Variants in MLLT3 observed in about 807,000 individuals in gnomAD.
The protein encoded by MLLT3 is protein AF-9.
MLLT3 carries 4 observed loss-of-function variants against 53.2 expected under a neutral mutation model. That is an observed-to-expected ratio of 0.08 (90% CI 0.04 to 0.17). MLLT3 has a LOEUF of 0.17. Ranked by LOEUF, MLLT3 falls within the 10% of genes least tolerant of loss-of-function variation. The pLI is 1.00. For synonymous variants in MLLT3, 283 were observed against 230.6 expected (o/e 1.23, Z -2.06); for missense variants, 569 against 684.0 (o/e 0.83, Z 1.87).
intron 2 of MLLT3, among the ~76,000 whole-genome samples, chr9:20,557,292 G>A (rs1487171222): frequency 6.6e-6 from 1 of 152,004 alleles, no homozygotes; most frequent in Non-Finnish European, 1.5e-5. Context: ...CATGGAATGT[G>A]GTAGCAGGTT....
At chr9:20,589,048 C>A (rs1029987305) in intron 2 of MLLT3, among the ~76,000 whole-genome samples, 9 of 151,024 alleles carry the variant, frequency 6.0e-5, no homozygotes, top group African/African-American at 2.2e-4. Context: ...GGATCTAGAA[C>A]TAGAAATACC....
At chr9:20,615,613 T>C (rs1346331966) in intron 2 of MLLT3, among the ~76,000 whole-genome samples, 1 of 151,902 alleles carries the variant, frequency 6.6e-6, no homozygotes, top group African/African-American at 2.4e-5. Context: ...TGTGCCAGAT[T>C]GTAGGCTGAA....
chr9:20,616,918 T>G (rs1820846557), intron 2 of MLLT3, among the ~76,000 whole-genome samples: 1 of 152,156 alleles, frequency 6.6e-6, no homozygotes, highest in Admixed American at 6.5e-5. Flanking sequence ...GTATAAACAT[T>G]AAAAATCTTA....
chr9:20,394,203 G>A (rs1318232677), intron 5 of MLLT3, among the ~76,000 whole-genome samples: 1 of 152,122 alleles, frequency 6.6e-6, no homozygotes, highest in African/African-American at 2.4e-5. Flanking sequence ...AAAGAAAAAG[G>A]TCCAGGGTTG....
intron 2 of MLLT3, among the ~76,000 whole-genome samples, chr9:20,497,564 T>C (rs150221632): frequency 1.3e-5 from 2 of 152,296 alleles, no homozygotes; most frequent in Non-Finnish European, 2.9e-5. Context: ...TTTTCAGGGG[T>C]TGGCATCTTT....
At chr9:20,429,475 G>A (rs770007218) in intron 4 of MLLT3, among the ~76,000 whole-genome samples, 3 of 151,964 alleles carry the variant, frequency 2.0e-5, no homozygotes, top group Non-Finnish European at 4.4e-5. Flanking sequence ...GAAGCATATG[G>A]CCTAATCTAA....
intron 2 of MLLT3, among the ~76,000 whole-genome samples, chr9:20,476,799 A>G (rs1474904015): frequency 6.6e-6 from 1 of 152,190 alleles, no homozygotes; most frequent in East Asian, 1.9e-4. Flanking sequence ...AATTCTCAAT[A>G]TTAAATAGAA....
At chr9:20,379,835 A>G (rs1159969260) in intron 5 of MLLT3, among the ~76,000 whole-genome samples, 1 of 152,046 alleles carries the variant, frequency 6.6e-6, no homozygotes, top group Admixed American at 6.6e-5. Context: ...AAACAAAGCT[A>G]TCTTTAAACA....
intron 3 of MLLT3, among the ~76,000 whole-genome samples, chr9:20,452,630 A>G (rs954512117): frequency 6.6e-6 from 1 of 152,250 alleles, no homozygotes; most frequent in African/African-American, 2.4e-5. Context: ...CGCAAAAGAA[A>G]GAAATGAACA....
chr9:20,534,954 A>G (rs1015104520), intron 2 of MLLT3, among the ~76,000 whole-genome samples: 1 of 152,204 alleles, frequency 6.6e-6, no homozygotes, highest in African/African-American at 2.4e-5. Flanking sequence ...TAGATTAGGA[A>G]CCAAAGACAT....
intron 2 of MLLT3, among the ~76,000 whole-genome samples, chr9:20,533,734 T>C (rs1483674065): frequency 6.6e-6 from 1 of 152,186 alleles, no homozygotes; most frequent in Non-Finnish European, 1.5e-5. Context: ...GAGAAGGACA[T>C]CCTGCCATTT....
intron 5 of MLLT3, among the ~76,000 whole-genome samples, 196 bp from the exon 6 acceptor site, chr9:20,365,940 TA>T (rs1424107484): frequency 6.6e-6 from 1 of 152,178 alleles, no homozygotes; most frequent in Non-Finnish European, 1.5e-5. Context: ...GAAACAAGTA[TA>T]AAAACTTGAG....
chr9:20,591,184 C>T (rs886793431), intron 2 of MLLT3, among the ~76,000 whole-genome samples: 3 of 152,048 alleles, frequency 2.0e-5, no homozygotes, highest in Non-Finnish European at 2.9e-5. Context: ...TTGTTCTCTC[C>T]AATTTATTTA....
chr9:20,539,148 T>G lies in MLLT3; in HGVS notation c.193+81506A>C, dbSNP rs530516622. Among the ~76,000 whole-genome samples the G allele has an allele frequency of 2.4e-4, 37 of 152,234 alleles. 1 individual carries two copies. The highest frequency in any genetic ancestry group is 4.4e-4 in the Non-Finnish European group (30 of 68,038). On this transcript the variant is annotated intron_variant, in intron 2 of 10. Coordinates refer to ENST00000380338, the MANE Select transcript of MLLT3 (RefSeq NM_004529.4). ...TAAGACAACAATGAAGTTTGCTACA[T>G]GGATTGACTCATCCCTTCACAACAG...
chr9:20,456,925 TC>T lies in MLLT3; in HGVS notation c.194-140del, dbSNP rs1823984780. The T allele has an allele frequency of 6.6e-6, 4 of 602,416 alleles. No individual in the cohort carries two copies. In the South Asian group the frequency reaches 8.1e-5, roughly 12 times the overall value. 37.3% of individuals were successfully genotyped at this position (602,416 alleles called of 1,614,324 possible). ...CCCTTGCCAAACTCCCAGTTGAGTC[TC>T]CGATCTATCCTTTATTTCTTCTCCA... is the stretch of plus-strand genomic sequence containing the variant. On this transcript the variant is annotated intron_variant, in intron 2 of 10. Coordinates refer to ENST00000380338, the MANE Select transcript of MLLT3 (RefSeq NM_004529.4).
intron 2 of MLLT3, among the ~76,000 whole-genome samples, chr9:20,569,353 A>G (rs1819467159): frequency 6.6e-6 from 1 of 152,134 alleles, no homozygotes; most frequent in African/African-American, 2.4e-5. Flanking sequence ...CGAGACCCAG[A>G]AAGCCTCCAT....
chr9:20,467,596 T>A (rs1824268235), intron 2 of MLLT3, among the ~76,000 whole-genome samples: 1 of 151,864 alleles, frequency 6.6e-6, no homozygotes, highest in African/African-American at 2.4e-5. Flanking sequence ...AATAACAAAA[T>A]AAAAAATAAA....
At chr9:20,393,970 T>C (rs779520682) in intron 5 of MLLT3, among the ~76,000 whole-genome samples, 1 of 152,204 alleles carries the variant, frequency 6.6e-6, no homozygotes, top group Non-Finnish European at 1.5e-5. Context: ...ATCATTCTTG[T>C]AAAGCTTCAT....
At chr9:20,576,611 A>G (rs1050479494) in intron 2 of MLLT3, among the ~76,000 whole-genome samples, 1 of 152,180 alleles carries the variant, frequency 6.6e-6, no homozygotes, top group African/African-American at 2.4e-5. Context: ...TACACAGCAT[A>G]TATCTAGTTC....
Sources: gnomAD v4.1 joint callset for allele counts (sites outside exome capture counted in the v4.1 genomes callset) on GRCh38, gnomAD v4.1.1 for gene constraint, MANE v1.5 for transcripts, NCBI Gene and HGNC (gene_info 2026-07-23, HGNC 2026-07-21) for gene names.